Variants in CSMD2 observed in about 807,000 individuals in gnomAD.
CSMD2 encodes CUB and sushi domain-containing protein 2.
Under a neutral mutation model 398.5 loss-of-function variants are expected in CSMD2, and 130 were observed. The ratio of observed to expected loss-of-function variants is 0.33; its 90% CI spans 0.28 to 0.38. CSMD2 has a LOEUF of 0.38. CSMD2 is among the 10% of genes least tolerant of loss of function. The pLI, the probability that CSMD2 is intolerant of heterozygous loss-of-function variation, is 1.00. For synonymous variants in CSMD2, 1,828 were observed against 1,908.5 expected (o/e 0.96, Z 1.10); for missense variants, 3,829 against 4,764.9 (o/e 0.80, Z 5.78).
chr1:33,677,264 G>GA (rs1401313777), intron 25 of CSMD2, among the ~76,000 whole-genome samples: 17 of 152,030 alleles, frequency 1.1e-4, no homozygotes, highest in South Asian at 2.1e-4. Context: ...AAATTTACAA[G>GA]AAAAAAACAA....
At chr1:33,891,750 G>A (rs1642031101) in intron 5 of CSMD2, among the ~76,000 whole-genome samples, 1 of 151,592 alleles carries the variant, frequency 6.6e-6, no homozygotes, top group Admixed American at 6.6e-5. Flanking sequence ...TCCTTTGTAG[G>A]GACATGGATG....
Position 33,557,697 on chromosome 1 carries a change from C to T in CSMD2, c.8743+37G>A, listed in dbSNP as rs927779023. The T allele has an allele frequency of 1.4e-5, 22 of 1,524,410 alleles. No individual in the cohort carries two copies. The African/African-American group carries it at 2.2e-4, about 15-fold the overall frequency. The allele number at this position is 1,524,410 out of a possible 1,614,324, so 94.4% of individuals were successfully genotyped here. On this transcript the variant is annotated intron_variant, in intron 55 of 70. Coordinates refer to ENST00000373381, the MANE Select transcript of CSMD2 (RefSeq NM_001281956.2). ...GAGGACTGTTCTTTGACACGGGCCA[C>T]CCCATCAGTCATTTTGAGCAGGTGA...
At chr1:33,940,895 T>C (rs550883699) in intron 3 of CSMD2, among the ~76,000 whole-genome samples, 3 of 152,224 alleles carry the variant, frequency 2.0e-5, no homozygotes, top group Non-Finnish European at 4.4e-5. Context: ...GTGTGGTCTT[T>C]TGTTATGTGT....
intron 2 of CSMD2, among the ~76,000 whole-genome samples, chr1:34,080,921 G>GGAAAGAAA (rs10522397): frequency 0.13 from 15,937 of 124,676 alleles, 1,287 homozygotes; most frequent in Middle Eastern, 0.17. Flanking sequence ...CTAACTGAGT[G>GGAAAGAAA]GAAAGAAAGA....
At chr1:33,888,330 AT>A (rs1641737302) in intron 5 of CSMD2, among the ~76,000 whole-genome samples, 1 of 152,212 alleles carries the variant, frequency 6.6e-6, no homozygotes, top group Admixed American at 6.5e-5. Flanking sequence ...AGTAATAATA[AT>A]GAAGGAGGTC....
At chr1:33,658,182 T>C (rs1644012834) in intron 26 of CSMD2, 45 bp from the exon 27 acceptor site, 3 of 1,552,474 alleles carry the variant, frequency 1.9e-6, no homozygotes, top group Non-Finnish European at 2.6e-6. Flanking sequence ...CCTGGGTGTC[T>C]GCCACTCAGG....
chr1:33,974,779 T>C (rs142405745), intron 3 of CSMD2, among the ~76,000 whole-genome samples: 59 of 152,290 alleles, frequency 3.9e-4, no homozygotes, highest in African/African-American at 1.3e-3. Flanking sequence ...AATTCCTACA[T>C]TGCACATTAA....
chr1:33,658,651 C>T (rs538291946), intron 26 of CSMD2, among the ~76,000 whole-genome samples: 12 of 151,896 alleles, frequency 7.9e-5, no homozygotes, highest in African/African-American at 2.7e-4. Context: ...CACTTGAGGT[C>T]AGGAGCTCGA....
rs118120534 is a variant in CSMD2 at position 34,114,783 on chromosome 1, A to T, written c.188-25590T>A. Among the ~76,000 whole-genome samples, 67 of 152,356 alleles carry T rather than the reference A, an allele frequency of 4.4e-4. No individual in the cohort carries two copies. The East Asian group carries it at 0.012, about 27-fold the overall frequency. On this transcript the variant is annotated intron_variant, in intron 1 of 70. Transcript: ENST00000373381. ...AGATCTATTAATTATTTGACAAAGA[A>T]TTCAAAATCATTGTCTTTAAGAAGC...
chr1:34,049,113 G>A (rs1242606970), intron 2 of CSMD2, among the ~76,000 whole-genome samples: 2 of 152,164 alleles, frequency 1.3e-5, no homozygotes, highest in African/African-American at 2.4e-5. Context: ...AGTGTGAAAC[G>A]TGATTACCCA....
At chr1:34,089,520 A>G (rs899432386) in intron 1 of CSMD2, among the ~76,000 whole-genome samples, 4 of 152,150 alleles carry the variant, frequency 2.6e-5, no homozygotes, top group Non-Finnish European at 5.9e-5. Context: ...CCTCTACAAC[A>G]TGGAATGTCA....
chr1:33,849,444 A>G (rs559647758), intron 5 of CSMD2, among the ~76,000 whole-genome samples: 30 of 152,340 alleles, frequency 2.0e-4, no homozygotes, highest in African/African-American at 6.7e-4. Context: ...ACTCTGCAAA[A>G]GAGTTTAGTG....
In CSMD2 at chr1:33,519,147, C is replaced by G. The variant is rs1358878602; in HGVS notation, c.*53+318G>C. On this transcript the variant is annotated intron_variant, in intron 70 of 70. Coordinates refer to ENST00000373381, the MANE Select transcript of CSMD2 (RefSeq NM_001281956.2). The surrounding 1 kb of genome is among the most constrained non-coding windows in gnomAD (Gnocchi z 5.6). ...GTGAGGAGCAGTTTCTGGAGCCAGT[C>G]AGCCTGGGATTGGATTTCGACCCCA... 6.6e-6 allele frequency among the ~76,000 whole-genome samples: 1 copy of G among 152,146 alleles called. No homozygotes were observed. The highest frequency in any genetic ancestry group is 2.4e-5 in the African/African-American group (1 of 41,412).
chr1:33,778,367 T>C (rs749995855), intron 12 of CSMD2, among the ~76,000 whole-genome samples: 1 of 152,086 alleles, frequency 6.6e-6, no homozygotes, highest in Admixed American at 6.6e-5. Flanking sequence ...TACCCATCTG[T>C]TCATTCAACA....
At chr1:34,062,375 C>A (rs925053643) in intron 2 of CSMD2, among the ~76,000 whole-genome samples, 6 of 152,198 alleles carry the variant, frequency 3.9e-5, no homozygotes, top group Non-Finnish European at 1.5e-5. Context: ...ATGGTACACA[C>A]GACTGGTAGC....
chr1:34,165,483 G>A (rs938582996), upstream of CSMD2, among the ~76,000 whole-genome samples: 1 of 152,160 alleles, frequency 6.6e-6, no homozygotes, highest in South Asian at 2.1e-4. Flanking sequence ...TACATCTAAA[G>A]GGTTGTTTAT....
At chr1:33,818,671 T>C (rs1657753114) in intron 9 of CSMD2, among the ~76,000 whole-genome samples, 1 of 152,180 alleles carries the variant, frequency 6.6e-6, no homozygotes, top group Non-Finnish European at 1.5e-5. Flanking sequence ...GCAAAGAACA[T>C]TATAAACTGT....
Position 33,714,634 on chromosome 1 carries a change from A to G in CSMD2, c.3359T>C (p.Leu1120Pro). 6.2e-7 allele frequency: 1 copy of G among 1,613,972 alleles called. No individual in the cohort carries two copies. The highest frequency in any genetic ancestry group is 8.5e-7 in the Non-Finnish European group (1 of 1,180,042). Residue 1120 changes from leucine to proline, a missense_variant, in exon 21 of 71, where the codon CTG becomes CCG. Leu to Pro is a moderately conservative substitution (Grantham distance 98). This residue lies in a region of CSMD2 where 2,001 missense variants were observed against 2,567.1 expected (regional missense o/e 0.78). Transcript: ENST00000373381. ...RLEGTARITC[L>P]GGRRRLWSSP... ...GCTCCACAGGCGCCGTCTGCCCCCC[A>G]GGCACGTGATGCGGGCGGTGCCCTC...
chr1:33,543,315 T>C (rs1428173660), intron 57 of CSMD2, among the ~76,000 whole-genome samples: 2 of 152,236 alleles, frequency 1.3e-5, no homozygotes, highest in Non-Finnish European at 2.9e-5. Context: ...CCAGAGATGA[T>C]TATTTCTGCT....
Sources: gnomAD v4.1 joint callset for allele counts (sites outside exome capture counted in the v4.1 genomes callset) on GRCh38, gnomAD v4.1.1 for gene constraint, gnomAD v4.1.1 regional missense constraint, Gnocchi (gnomAD v3.1) non-coding constraint, MANE v1.5 for transcripts, NCBI Gene and HGNC (gene_info 2026-07-23, HGNC 2026-07-21) for gene names.